GABRB1: variants seen among roughly 807,000 people sequenced by gnomAD.
The protein encoded by GABRB1 is gamma-aminobutyric acid receptor subunit beta-1.
Under a neutral mutation model 51.6 loss-of-function variants are expected in GABRB1, and 17 were observed. The observed-to-expected ratio is 0.33, with a 90% CI of 0.23 to 0.49. The LOEUF (loss-of-function observed/expected upper bound fraction) is 0.49. Ranked by LOEUF, GABRB1 falls within the 20% of genes least tolerant of loss-of-function variation. The pLI is 0.99. For synonymous variants in GABRB1, 247 were observed against 218.9 expected, an observed-to-expected ratio of 1.13 and a Z score of -1.14; for missense variants, 410 against 600.6, an observed-to-expected ratio of 0.68 and a Z score of 3.32.
intron 5 of GABRB1, among the ~76,000 whole-genome samples, chr4:47,331,888 C>G (rs1404381440): frequency 6.6e-6 from 1 of 152,200 alleles, no homozygotes; most frequent in Non-Finnish European, 1.5e-5. Context: ...GAGATTTGAA[C>G]TCAGTCAATC....
intron 3 of GABRB1, among the ~76,000 whole-genome samples, chr4:47,078,082 C>T (rs557669131): frequency 1.1e-4 from 16 of 148,476 alleles, no homozygotes; most frequent in African/African-American, 3.5e-4. Flanking sequence ...CTCTACCTTC[C>T]GGGTTCAAGC....
intron 1 of GABRB1, among the ~76,000 whole-genome samples, chr4:47,008,268 C>T (rs1054343113): frequency 6.6e-6 from 1 of 151,782 alleles, no homozygotes; most frequent in African/African-American, 2.4e-5. Context: ...CCAAAAGTGC[C>T]CTATAGTCAC....
chr4:47,151,717 G>T (rs1717466148), intron 3 of GABRB1, among the ~76,000 whole-genome samples: 1 of 152,002 alleles, frequency 6.6e-6, no homozygotes, highest in South Asian at 2.1e-4. Flanking sequence ...GGAACTTACA[G>T]AAAATCTATT....
At chr4:47,351,142 G>C (rs975170003) in intron 5 of GABRB1, among the ~76,000 whole-genome samples, 1 of 152,192 alleles carries the variant, frequency 6.6e-6, no homozygotes, top group Non-Finnish European at 1.5e-5. Context: ...AAGGCTACCA[G>C]ATTAGACACG....
chr4:47,092,173 T>C (rs71609484), intron 3 of GABRB1, among the ~76,000 whole-genome samples: 1 of 134,214 alleles, frequency 7.5e-6, no homozygotes, highest in East Asian at 2.1e-4. Flanking sequence ...TTCTTTTTTT[T>C]TTTTTTTTTT....
chr4:47,007,182 A>T (rs890614384), intron 1 of GABRB1, among the ~76,000 whole-genome samples: 2 of 152,112 alleles, frequency 1.3e-5, no homozygotes, highest in African/African-American at 4.8e-5. Flanking sequence ...CATAAACTTT[A>T]AATGTAAAGA....
At chr4:47,019,620 T>TCC (rs1491239534) in intron 1 of GABRB1, among the ~76,000 whole-genome samples, 6 of 67,254 alleles carry the variant, frequency 8.9e-5, no homozygotes, top group Admixed American at 2.7e-4. Flanking sequence ...TTTCTTTCTT[T>TCC]CTCTCTCTTT....
intron 3 of GABRB1, among the ~76,000 whole-genome samples, chr4:47,047,107 G>A (rs1419727750): frequency 6.6e-6 from 1 of 152,008 alleles, no homozygotes; most frequent in Non-Finnish European, 1.5e-5. Context: ...AAGTTTAGCT[G>A]TGTAAGAAAC....
intron 3 of GABRB1, among the ~76,000 whole-genome samples, chr4:47,058,449 A>T (rs1418483335): frequency 6.6e-6 from 1 of 152,234 alleles, no homozygotes; most frequent in Non-Finnish European, 1.5e-5. Context: ...ATTTAATTAG[A>T]CATGCAGAAA....
chr4:47,375,199 T>C (rs1326061792), intron 5 of GABRB1, among the ~76,000 whole-genome samples: 3 of 152,214 alleles, frequency 2.0e-5, no homozygotes, highest in African/African-American at 4.8e-5. Flanking sequence ...AGAAGGATCA[T>C]TAAAAGATTT....
chr4:47,417,451 C>T (rs1728965904), intron 8 of GABRB1, among the ~76,000 whole-genome samples: 1 of 151,276 alleles, frequency 6.6e-6, no homozygotes, highest in South Asian at 2.1e-4. Flanking sequence ...CCCATCTCCT[C>T]CCCCCGAGAA....
chr4:46,997,176 T>C (rs1355621503), intron 1 of GABRB1, among the ~76,000 whole-genome samples: 1 of 152,122 alleles, frequency 6.6e-6, no homozygotes, highest in African/African-American at 2.4e-5. Context: ...TATAGACTTT[T>C]TATCTTCACT....
intron 4 of GABRB1, among the ~76,000 whole-genome samples, chr4:47,228,620 A>G (rs1721035648): frequency 6.6e-6 from 1 of 152,086 alleles, no homozygotes; most frequent in Non-Finnish European, 1.5e-5. Flanking sequence ...GTGTCTTACC[A>G]AAGTCTCCAA....
intron 3 of GABRB1, among the ~76,000 whole-genome samples, chr4:47,110,777 T>G (rs1715182631): frequency 6.6e-6 from 1 of 152,214 alleles, no homozygotes; most frequent in Non-Finnish European, 1.5e-5. Flanking sequence ...CAGTGGAATC[T>G]AAAAGATGAA....
chr4:47,007,746 G>A (rs1724449883), intron 1 of GABRB1, among the ~76,000 whole-genome samples: 2 of 151,776 alleles, frequency 1.3e-5, no homozygotes, highest in South Asian at 4.2e-4. Flanking sequence ...AGAGAATGAA[G>A]AAAAGCTGGG....
chr4:47,372,852 T>A (rs1727247631), intron 5 of GABRB1, among the ~76,000 whole-genome samples: 1 of 152,172 alleles, frequency 6.6e-6, no homozygotes, highest in Admixed American at 6.5e-5. Flanking sequence ...AGTTCCCTGA[T>A]GTGAAGACAA....
At chr4:47,315,753 C>T (rs918290959) in intron 4 of GABRB1, among the ~76,000 whole-genome samples, 12 of 152,000 alleles carry the variant, frequency 7.9e-5, no homozygotes, top group Admixed American at 5.2e-4. Context: ...AGGTGGCAGC[C>T]GTTAGCCTAA....
chr4:47,288,862 G>C (rs991231908), intron 4 of GABRB1, among the ~76,000 whole-genome samples: 2 of 152,070 alleles, frequency 1.3e-5, no homozygotes, highest in Admixed American at 1.3e-4. Context: ...GGAGACAAGC[G>C]GTCTACCCAG....
intron 3 of GABRB1, among the ~76,000 whole-genome samples, chr4:47,132,063 T>G (rs1249705697): frequency 6.6e-6 from 1 of 152,190 alleles, no homozygotes; most frequent in African/African-American, 2.4e-5. Context: ...ATTTATGAAA[T>G]CATTTATTTA....
Sources: gnomAD v4.1 joint callset for allele counts (sites outside exome capture counted in the v4.1 genomes callset) on GRCh38, gnomAD v4.1.1 for gene constraint, MANE v1.5 for transcripts, NCBI Gene and HGNC (gene_info 2026-07-23, HGNC 2026-07-21) for gene names.